Variants in FAM107B observed in about 807,000 individuals in gnomAD.
FAM107B encodes the protein family with sequence similarity 107 member B.
FAM107B carries 21 observed loss-of-function variants against 31.5 expected under a neutral mutation model. That is an observed-to-expected ratio of 0.67 (90% CI 0.47 to 0.96). The LOEUF is 0.96. FAM107B is among the 40% of genes least tolerant of loss of function. The probability of loss-of-function intolerance (pLI) is 0.00; values close to 1 mark genes in which losing one functional copy is unlikely to be tolerated. For synonymous variants in FAM107B, 157 were observed against 141.5 expected, an observed-to-expected ratio of 1.11 and a Z score of -0.78; for missense variants, 452 against 377.1, an observed-to-expected ratio of 1.20 and a Z score of -1.64.
At chr10:14,729,483 A>G (rs1485976207) in intron 1 of FAM107B, among the ~76,000 whole-genome samples, 1 of 94,552 alleles carries the variant, frequency 1.1e-5, no homozygotes, top group African/African-American at 5.7e-5. Context: ...CTCAAGGAGT[A>G]GTGTGATGAG....
At chr10:14,538,568 G>A (rs544835783) in intron 2 of FAM107B, among the ~76,000 whole-genome samples, 4 of 152,152 alleles carry the variant, frequency 2.6e-5, no homozygotes, top group East Asian at 1.9e-4. Context: ...GTGAATAGAC[G>A]GCAGTACCAA....
chr10:14,577,332 G>A (rs11259200), intron 2 of FAM107B, among the ~76,000 whole-genome samples: 7 of 152,268 alleles, frequency 4.6e-5, no homozygotes, highest in South Asian at 2.1e-4. Flanking sequence ...GCCCAATGGA[G>A]AAAGAATCAT....
rs1554835550 is a variant in FAM107B, at chr10:14,572,761, T to TACATATATATATATATATATATA, written c.470-42247_470-42246insTATATATATATATATATATATGT. On this transcript the variant is annotated intron_variant, in intron 2 of 4. Transcript: ENST00000181796. ...AATTTATATATATATATATATATAT[T>TACATATATATATATATATATATA]AGAGTGTGTGTGTATATATGTTATG... is the stretch of plus-strand genomic sequence containing the variant. 1.7e-4 allele frequency among the ~76,000 whole-genome samples: 13 copies of TACATATATATATATATATATATA among 76,052 alleles called. No individual in the cohort carries two copies. In the Middle Eastern group the frequency reaches 0.031, roughly 183 times the overall value. The allele number at this position is 76,052 out of a possible 152,430, so 49.9% of individuals were successfully genotyped here.
At chr10:14,615,246 T>C (rs773610458) in intron 2 of FAM107B, among the ~76,000 whole-genome samples, 1 of 152,086 alleles carries the variant, frequency 6.6e-6, no homozygotes, top group Non-Finnish European at 1.5e-5. Context: ...GGAGGACCAC[T>C]TGAACCTGGG....
intron 2 of FAM107B, among the ~76,000 whole-genome samples, chr10:14,646,149 T>C (rs1332902786): frequency 6.6e-6 from 1 of 152,236 alleles, no homozygotes; most frequent in Non-Finnish European, 1.5e-5. Flanking sequence ...TTGACAGTCA[T>C]TAGTTACATG....
At chr10:14,634,664 A>T (rs1185167145) in intron 2 of FAM107B, among the ~76,000 whole-genome samples, 1 of 152,158 alleles carries the variant, frequency 6.6e-6, no homozygotes, top group Non-Finnish European at 1.5e-5. Flanking sequence ...CTGGAGCAGG[A>T]AGGGTCTACA....
chr10:14,538,929 C>T (rs1847906085), intron 2 of FAM107B, among the ~76,000 whole-genome samples: 1 of 152,154 alleles, frequency 6.6e-6, no homozygotes, highest in African/African-American at 2.4e-5. Flanking sequence ...GTCTTGATTC[C>T]TCAACTGGAA....
At chr10:14,693,716 C>A (rs951543438) in intron 1 of FAM107B, among the ~76,000 whole-genome samples, 3 of 152,150 alleles carry the variant, frequency 2.0e-5, no homozygotes, top group Non-Finnish European at 2.9e-5. Flanking sequence ...TCCTACGTAT[C>A]TGCTACTTTG....
intron 2 of FAM107B, among the ~76,000 whole-genome samples, chr10:14,554,636 A>G (rs1385367623): frequency 1.3e-5 from 2 of 152,170 alleles, no homozygotes; most frequent in South Asian, 4.1e-4. Flanking sequence ...TAATCTCACA[A>G]TGGAGTGTAG....
intron 2 of FAM107B, among the ~76,000 whole-genome samples, chr10:14,578,368 A>C (rs1012067387): frequency 3.3e-5 from 5 of 152,236 alleles, no homozygotes; most frequent in Admixed American, 1.3e-4. Context: ...CTCTTTGAGT[A>C]ATTTCCTCAA....
intron 2 of FAM107B, among the ~76,000 whole-genome samples, chr10:14,653,276 T>C: frequency 6.6e-6 from 1 of 152,230 alleles, no homozygotes; most frequent in East Asian, 1.9e-4. Flanking sequence ...CAGTTTGTTC[T>C]TTTTATCAGT....
intron 1 of FAM107B, among the ~76,000 whole-genome samples, chr10:14,754,779 C>T (rs1194202724): frequency 6.6e-6 from 1 of 152,224 alleles, no homozygotes; most frequent in Non-Finnish European, 1.5e-5. Context: ...GATGCAGATG[C>T]ACCTTGATAG....
chr10:14,614,871 C>T (rs977599638), intron 2 of FAM107B, among the ~76,000 whole-genome samples: 1 of 151,896 alleles, frequency 6.6e-6, no homozygotes, highest in African/African-American at 2.4e-5. Flanking sequence ...CCAAGAATCA[C>T]TCGGGGAGCA....
chr10:14,684,852 A>G (rs1854937198), intron 1 of FAM107B, among the ~76,000 whole-genome samples: 1 of 150,074 alleles, frequency 6.7e-6, no homozygotes, highest in African/African-American at 2.5e-5. Context: ...ACAAAACCTC[A>G]CTCTGTCACC....
intron 1 of FAM107B, among the ~76,000 whole-genome samples, chr10:14,733,249 C>T (rs532096116): frequency 2.0e-4 from 31 of 152,106 alleles, no homozygotes; most frequent in African/African-American, 6.7e-4. Context: ...TACATGCAAT[C>T]AACCTCACCT....
At chr10:14,724,572 A>G (rs1435851255) in intron 1 of FAM107B, among the ~76,000 whole-genome samples, 1 of 152,190 alleles carries the variant, frequency 6.6e-6, no homozygotes, top group Non-Finnish European at 1.5e-5. Context: ...ACCCCAGTTC[A>G]CTGTTAACCT....
chr10:14,521,795 C>G, intron 4 of FAM107B, 74 bp downstream of exon 4: 1 of 1,564,232 alleles, frequency 6.4e-7, no homozygotes, highest in Non-Finnish European at 8.6e-7. Flanking sequence ...TCTGGTAAAT[C>G]CTGCCCGCTC....
intron 2 of FAM107B, among the ~76,000 whole-genome samples, chr10:14,573,581 A>AC (rs1234878334): frequency 6.7e-6 from 1 of 149,978 alleles, no homozygotes; most frequent in Non-Finnish European, 1.5e-5. Context: ...AAATACAAAA[A>AC]AAAAAAAAAA....
intron 2 of FAM107B, among the ~76,000 whole-genome samples, chr10:14,651,425 G>A (rs946992362): frequency 6.6e-6 from 1 of 152,112 alleles, no homozygotes; most frequent in Non-Finnish European, 1.5e-5. Flanking sequence ...GACCAACATG[G>A]AGAGACCCCG....
Sources: allele counts gnomAD v4.1 joint callset (sites outside exome capture counted in the v4.1 genomes callset), GRCh38; gene constraint gnomAD v4.1.1; transcripts MANE v1.5; gene names NCBI Gene and HGNC (gene_info 2026-07-23, HGNC 2026-07-21).